ATP1B3: variants seen among roughly 807,000 people sequenced by gnomAD.
ATP1B3 encodes ATPase Na+/K+ transporting subunit beta 3.
Under a neutral mutation model 30.2 loss-of-function variants are expected in ATP1B3, and 10 were observed. The ratio of observed to expected loss-of-function variants is 0.33; its 90% confidence interval spans 0.20 to 0.56. The LOEUF is 0.56. Among genes scored for constraint, ATP1B3 ranks in the 20% least tolerant of loss-of-function variants. The pLI is 0.90. For missense variants in ATP1B3, 238 were observed against 336.7 expected (o/e 0.71, Z 2.29); for synonymous variants, 113 against 117.0 (o/e 0.97, Z 0.22).
At chr3:141,899,988 A>G (rs973679718) in intron 1 of ATP1B3, among the ~76,000 whole-genome samples, 4 of 152,226 alleles carry the variant, frequency 2.6e-5, no homozygotes, top group South Asian at 4.2e-4. Flanking sequence ...CTTTGATTGC[A>G]CCGCTGTACT....
At position 141,926,530 on chromosome 3, in the gene ATP1B3, A is replaced by T. The variant is rs1403421570; in HGVS notation, c.*829A>T. The T allele has an allele frequency of 2.0e-5, 3 of 152,180 alleles. No individual in the cohort carries two copies. The highest frequency in any genetic ancestry group is 2.1e-4 in the South Asian group (1 of 4,834). The allele number at this position is 152,180 out of a possible 1,614,324, so 9.4% of individuals were successfully genotyped here. On this transcript the variant is annotated 3_prime_UTR_variant, in exon 7 of 7. Coordinates refer to ENST00000286371, the MANE Select transcript of ATP1B3 (RefSeq NM_001679.4). ...TGTGAAATATAAAAACTTGGAACTT[A>T]TTCAAAGCTTCAAAGCAAACAACAG... is the stretch of plus-strand genomic sequence containing the variant.
intron 1 of ATP1B3, among the ~76,000 whole-genome samples, chr3:141,888,735 C>T (rs1933881269): frequency 6.6e-6 from 1 of 152,010 alleles, no homozygotes; most frequent in South Asian, 2.1e-4. Flanking sequence ...TTCTTGTGCT[C>T]TTCTTGAGAT....
At chr3:141,922,834 C>T (rs1559874960) in intron 6 of ATP1B3, among the ~76,000 whole-genome samples, 10 of 151,876 alleles carry the variant, frequency 6.6e-5, no homozygotes, top group Non-Finnish European at 1.5e-5. Context: ...GGCGTGGTGG[C>T]AGGCACCTGT....
At chr3:141,882,051 C>T (rs185489946) in intron 1 of ATP1B3, among the ~76,000 whole-genome samples, 1 of 151,614 alleles carries the variant, frequency 6.6e-6, no homozygotes, top group East Asian at 1.9e-4. Flanking sequence ...TGATGTAATT[C>T]GATTTCTTTG....
At chr3:141,895,014 C>T (rs956754223) in intron 1 of ATP1B3, among the ~76,000 whole-genome samples, 3 of 151,878 alleles carry the variant, frequency 2.0e-5, no homozygotes, top group Non-Finnish European at 4.4e-5. Flanking sequence ...AGGAATTTTT[C>T]AGCTTTATTA....
At chr3:141,906,873 A>G (rs1160424946) in intron 2 of ATP1B3, among the ~76,000 whole-genome samples, 1 of 152,268 alleles carries the variant, frequency 6.6e-6, no homozygotes, top group African/African-American at 2.4e-5. Context: ...AAATGCATAT[A>G]GAAAGTTCAA....
chr3:141,903,797 T>C, intron 2 of ATP1B3, 49 bp downstream of exon 2: 1 of 1,592,420 alleles, frequency 6.3e-7, no homozygotes, highest in Non-Finnish European at 8.6e-7. Context: ...TGTTTTTTTT[T>C]TGAGACAGAG....
chr3:141,916,250 T>C, intron 5 of ATP1B3: 1 of 529,736 alleles, frequency 1.9e-6, no homozygotes, highest in Non-Finnish European at 3.6e-6. Flanking sequence ...TTTTCACATA[T>C]ACCGTATTTC....
At chr3:141,899,519 C>T (rs928968225) in intron 1 of ATP1B3, among the ~76,000 whole-genome samples, 1 of 152,090 alleles carries the variant, frequency 6.6e-6, no homozygotes, top group Non-Finnish European at 1.5e-5. Flanking sequence ...TCCAGGCCCT[C>T]ATGAAGCCCA....
chr3:141,892,531 G>A (rs1473219387), intron 1 of ATP1B3, among the ~76,000 whole-genome samples: 3 of 151,232 alleles, frequency 2.0e-5, no homozygotes, highest in African/African-American at 7.3e-5. Flanking sequence ...AGTGACACAC[G>A]CCTGTAATCC....
At chr3:141,914,447 G>GT (rs1934420786) in intron 4 of ATP1B3, among the ~76,000 whole-genome samples, 1 of 152,210 alleles carries the variant, frequency 6.6e-6, no homozygotes, top group Non-Finnish European at 1.5e-5. Flanking sequence ...AGAAGCTAAT[G>GT]TTCTCTGTGT....
intron 4 of ATP1B3, among the ~76,000 whole-genome samples, chr3:141,914,854 G>T (rs1934427739): frequency 1.3e-5 from 2 of 152,196 alleles, no homozygotes; most frequent in South Asian, 4.1e-4. Context: ...CCCTTTGGGA[G>T]GCCTTGGACA....
chr3:141,899,774 C>G (rs1467199165), intron 1 of ATP1B3, among the ~76,000 whole-genome samples: 3 of 152,136 alleles, frequency 2.0e-5, no homozygotes, highest in Non-Finnish European at 4.4e-5. Context: ...GAGGCTGAGG[C>G]AGGAGAATCA....
chr3:141,896,407 G>A (rs1428759985), intron 1 of ATP1B3, among the ~76,000 whole-genome samples: 2 of 152,220 alleles, frequency 1.3e-5, no homozygotes, highest in South Asian at 2.1e-4. Context: ...TGTAGTCCTA[G>A]CTACTGGGGA....
intron 1 of ATP1B3, 42 bp downstream of exon 1, chr3:141,876,952 C>T (rs768715225): frequency 2.3e-5 from 34 of 1,460,500 alleles, no homozygotes; most frequent in Non-Finnish European, 2.9e-5. Context: ...GGCCTCGGTC[C>T]CGGGGGCGCC....
chr3:141,890,653 G>A (rs1297722755), intron 1 of ATP1B3, among the ~76,000 whole-genome samples: 2 of 147,980 alleles, frequency 1.4e-5, no homozygotes, highest in South Asian at 2.1e-4. Context: ...GCCCAGGCTG[G>A]TCTCGAACTC....
intron 1 of ATP1B3, among the ~76,000 whole-genome samples, chr3:141,897,554 T>C (rs1934090553): frequency 6.6e-6 from 1 of 152,198 alleles, no homozygotes; most frequent in East Asian, 1.9e-4. Flanking sequence ...GTCTATTTCT[T>C]TTACTGGTAG....
chr3:141,907,792 AG>A, intron 3 of ATP1B3, among the ~76,000 whole-genome samples: 1 of 150,354 alleles, frequency 6.7e-6, no homozygotes, highest in Non-Finnish European at 1.5e-5. Flanking sequence ...AGAAAGACAC[AG>A]GGGCTTACTC....
At position 141,876,691 on chromosome 3, in the gene ATP1B3, A is replaced by T; in HGVS notation, c.-111A>T. On this transcript the variant is annotated 5_prime_UTR_variant, in exon 1 of 7. Coordinates refer to ENST00000286371, the MANE Select transcript of ATP1B3 (RefSeq NM_001679.4). The stretch of plus-strand genomic sequence containing the variant: ...ACGAGGAGGTGTTCTCGGCCGTCCC[A>T]CCCTTCACTGCCGTCTCCGGGCTGC... 1 of 730,838 alleles carries T rather than the reference A, an allele frequency of 1.4e-6. No individual in the cohort carries two copies. Among genetic ancestry groups the T allele is most frequent in the Non-Finnish European group, 2.2e-6 (1 of 446,562 alleles). 45.3% of individuals were successfully genotyped at this position (730,838 alleles called of 1,614,324 possible).
Sources: allele counts gnomAD v4.1 joint callset (sites outside exome capture counted in the v4.1 genomes callset), GRCh38; gene constraint gnomAD v4.1.1; transcripts MANE v1.5; gene names NCBI Gene and HGNC (gene_info 2026-07-23, HGNC 2026-07-21).